Variants in PLAAT5 observed in about 807,000 individuals in gnomAD.
The protein encoded by PLAAT5 is Ca(2+)-independent N-acyltransferase.
PLAAT5 carries 27 observed loss-of-function variants against 27.8 expected under a neutral mutation model. The ratio of observed to expected loss-of-function variants is 0.97; its 90% CI spans 0.72 to 1.34. The LOEUF is 1.34. PLAAT5 is among the 40% of genes most tolerant of loss of function. The pLI is 0.00. For synonymous variants in PLAAT5, 125 were observed against 136.1 expected (o/e 0.92, Z 0.57); for missense variants, 368 against 343.8 (o/e 1.07, Z -0.56).
chr11:63,472,305 G>C (rs1486193530), intron 3 of PLAAT5, among the ~76,000 whole-genome samples: 1 of 152,124 alleles, frequency 6.6e-6, no homozygotes, highest in Non-Finnish European at 1.5e-5. Flanking sequence ...TTAGAGAGAG[G>C]AAGTTGAATT....
rs181987173 is a variant in PLAAT5, at chr11:63,483,333, C to T, written c.345+5538G>A. Among the ~76,000 whole-genome samples the T allele has an allele frequency of 1.4e-3, 220 of 152,120 alleles. 4 individuals carry two copies. The highest frequency in any genetic ancestry group is 3.7e-3 in the African/African-American group (153 of 41,474). The stretch of plus-strand genomic sequence containing the variant: ...TCTTTTCATCAGCACATGGAACATT[C>T]GCCAAGATAGATCATTTGATAGGCC... On this transcript the variant is annotated intron_variant, in intron 3 of 5. Transcript: ENST00000540857.
intron 3 of PLAAT5, among the ~76,000 whole-genome samples, chr11:63,484,471 A>G (rs542307005): frequency 5.3e-5 from 8 of 152,206 alleles, no homozygotes; most frequent in African/African-American, 1.9e-4. Context: ...TATAGCAGGG[A>G]TGCAGGGATG....
intron 3 of PLAAT5, among the ~76,000 whole-genome samples, chr11:63,488,132 G>A (rs892670854): frequency 2.6e-5 from 4 of 152,096 alleles, no homozygotes; most frequent in African/African-American, 4.8e-5. Context: ...GCGACAGAGC[G>A]AGACTCCATC....
At chr11:63,469,533 C>A in intron 3 of PLAAT5, 2 of 237,338 alleles carry the variant, frequency 8.4e-6, no homozygotes, top group Admixed American at 4.1e-5. Flanking sequence ...GATTCATTCC[C>A]AAAAGTGATA....
At chr11:63,481,258 G>A (rs1309197342) in intron 3 of PLAAT5, among the ~76,000 whole-genome samples, 5 of 152,088 alleles carry the variant, frequency 3.3e-5, no homozygotes, top group African/African-American at 1.2e-4. Flanking sequence ...TGGCCAATAT[G>A]GCAAAACCCC....
chr11:63,465,704 G>A (rs758190060), intron 5 of PLAAT5, among the ~76,000 whole-genome samples: 17 of 151,992 alleles, frequency 1.1e-4, no homozygotes, highest in South Asian at 2.1e-4. Context: ...GCAGGAGGAC[G>A]GCCTGAGCCC....
At chr11:63,466,677 A>C (rs1421172930) in intron 4 of PLAAT5, among the ~76,000 whole-genome samples, 1 of 152,128 alleles carries the variant, frequency 6.6e-6, no homozygotes, top group Non-Finnish European at 1.5e-5. Flanking sequence ...CTAGGATTTG[A>C]GTCTCATTTC....
chr11:63,476,101 T>A (rs188748223), intron 3 of PLAAT5, among the ~76,000 whole-genome samples: 2 of 152,268 alleles, frequency 1.3e-5, no homozygotes, highest in African/African-American at 4.8e-5. Flanking sequence ...TTGATTAAGA[T>A]ACTTACTGTC....
rs183427996 is a variant in PLAAT5, at chr11:63,479,261, C to T, written c.345+9610G>A. Among the ~76,000 whole-genome samples, 9 of 152,272 alleles carry T rather than the reference C, an allele frequency of 5.9e-5. No individual in the cohort carries two copies. In the East Asian group the frequency reaches 1.7e-3, roughly 29 times the overall value. On this transcript the variant is annotated intron_variant, in intron 3 of 5. Coordinates refer to ENST00000540857, the MANE Select transcript of PLAAT5 (RefSeq NM_001146729.2). ...GGCAAAGTGGAGGAGAGCTCTTTCT[C>T]GTCCTTTGAAGAAGACTAAAAAGGA...
At chr11:63,481,935 T>G (rs1284995604) in intron 3 of PLAAT5, among the ~76,000 whole-genome samples, 1 of 152,148 alleles carries the variant, frequency 6.6e-6, no homozygotes, top group African/African-American at 2.4e-5. Context: ...AGGGATAGAA[T>G]TAGGAGACAT....
Position 63,484,324 on chromosome 11 carries a change from G to A in PLAAT5, c.345+4547C>T, listed in dbSNP as rs530073448. Among the ~76,000 whole-genome samples, 4 of 150,986 alleles carry A rather than the reference G, an allele frequency of 2.6e-5. 1 individual carries two copies. The South Asian group carries it at 8.4e-4, about 32-fold the overall frequency. On this transcript the variant is annotated intron_variant, in intron 3 of 5. Transcript: ENST00000540857. ...AGCATCACCTTAATACCAAAACCAG[G>A]AAAGGACATAAAAAAAAAAAGAAAA...
In PLAAT5 at chr11:63,473,101, G is replaced by A. The variant is rs184123261; in HGVS notation, c.346-4636C>T. Reference sequence around the variant, plus strand: ...CCACCGCACTCCAGCATAGGTGACAGAGCAAGACTCTGCCTCAAAAAAAAA... The same window carrying A: ...CCACCGCACTCCAGCATAGGTGACAAAGCAAGACTCTGCCTCAAAAAAAAA... On this transcript the variant is annotated intron_variant, in intron 3 of 5. Transcript: ENST00000540857. 2.1e-3 allele frequency among the ~76,000 whole-genome samples: 321 copies of A among 151,972 alleles called. 1 individual carries two copies. The highest frequency in any genetic ancestry group is 7.0e-3 in the African/African-American group (291 of 41,464).
At position 63,466,382 on chromosome 11, in the gene PLAAT5, A is replaced by G. The variant is rs2015867816; in HGVS notation, c.455-10T>C. 2 of 1,613,022 alleles carry G rather than the reference A, an allele frequency of 1.2e-6. No homozygotes were observed. Among genetic ancestry groups the G allele is most frequent in the African/African-American group, 1.3e-5 (1 of 74,862 alleles). ...ACCTCAAACTCCTCACCTGGAGACC[A>G]AAGACAAACAAAGGTTGGGAAATAC... On this transcript the variant is annotated splice_polypyrimidine_tract_variant and intron_variant, in intron 4 of 5. Coordinates refer to ENST00000540857, the MANE Select transcript of PLAAT5 (RefSeq NM_001146729.2).
At position 63,472,513 on chromosome 11, in the gene PLAAT5, G is replaced by A. The variant is rs78393894; in HGVS notation, c.346-4048C>T. On this transcript the variant is annotated intron_variant, in intron 3 of 5. Coordinates refer to ENST00000540857, the MANE Select transcript of PLAAT5 (RefSeq NM_001146729.2). ...GGTTATCAAAAAAAATATTTTGACA[G>A]GGATTGTGTTTAATCTGTAGATCGA... Among the ~76,000 whole-genome samples the A allele has an allele frequency of 1.6e-3, 244 of 152,302 alleles. 1 individual carries two copies. Among genetic ancestry groups the A allele is most frequent in the African/African-American group, 5.5e-3 (228 of 41,566 alleles).
chr11:63,463,700 T>G, intron 5 of PLAAT5, 105 bp from the exon 6 acceptor site: 1 of 839,326 alleles, frequency 1.2e-6, no homozygotes, highest in East Asian at 2.4e-5. Flanking sequence ...CTGTCTGGAG[T>G]CTATTCCCAA....
At chr11:63,466,044 C>T in intron 5 of PLAAT5, 66 bp downstream of exon 5, 1 of 1,508,140 alleles carries the variant, frequency 6.6e-7, no homozygotes, top group African/African-American at 1.4e-5. Flanking sequence ...ATTCTGATCA[C>T]TAATGAAATG....
At position 63,466,351 on chromosome 11, in the gene PLAAT5, C is replaced by T; in HGVS notation, c.476G>A (p.Ser159Asn). 6.2e-7 allele frequency: 1 copy of T among 1,614,084 alleles called. No homozygotes were observed. Among genetic ancestry groups the T allele is most frequent in the Non-Finnish European group, 8.5e-7 (1 of 1,180,000 alleles). ...CCGATTGCTAAAGATGGAAGTAATG[C>T]TGCCCACCTCAAACTCCTCACCTGG... ...APPSEEFEVG[S>N]ITSIFSNRAV... Residue 159 changes from serine (S) to asparagine (N), a missense_variant, in exon 5 of 6, where the codon AGC becomes AAC. Coordinates refer to ENST00000540857, the MANE Select transcript of PLAAT5 (RefSeq NM_001146729.2).
chr11:63,483,347 A>G (rs2016329399), intron 3 of PLAAT5, among the ~76,000 whole-genome samples: 1 of 152,180 alleles, frequency 6.6e-6, no homozygotes, highest in Non-Finnish European at 1.5e-5. Flanking sequence ...AAGATAGATC[A>G]TTTGATAGGC....
chr11:63,483,784 A>AAAAAAT (rs1397719113), intron 3 of PLAAT5, among the ~76,000 whole-genome samples: 3 of 65,676 alleles, frequency 4.6e-5, no homozygotes, highest in African/African-American at 2.9e-4. Context: ...GCAAAAAAAA[A>AAAAAAT]ATATATATAT....
Sources: gnomAD v4.1 joint callset for allele counts (sites outside exome capture counted in the v4.1 genomes callset) on GRCh38, gnomAD v4.1.1 for gene constraint, MANE v1.5 for transcripts, NCBI Gene and HGNC (gene_info 2026-07-23, HGNC 2026-07-21) for gene names.